PDSS2: variants seen among roughly 807,000 people sequenced by gnomAD.
PDSS2 encodes all trans-polyprenyl-diphosphate synthase PDSS2.
Under a neutral mutation model 44.5 loss-of-function variants are expected in PDSS2, and 31 were observed. That is an observed-to-expected ratio of 0.70 (90% CI 0.52 to 0.94). The LOEUF is 0.94. PDSS2 is among the 40% of genes least tolerant of loss of function. The pLI, the probability that PDSS2 is intolerant of heterozygous loss-of-function variation, is 0.00. For missense variants in PDSS2, 452 were observed against 482.2 expected, an observed-to-expected ratio of 0.94 and a Z score of 0.59; for synonymous variants, 157 against 180.3, an observed-to-expected ratio of 0.87 and a Z score of 1.03.
At chr6:107,261,562 G>C (rs1429065561) in intron 3 of PDSS2, among the ~76,000 whole-genome samples, 1 of 148,224 alleles carries the variant, frequency 6.7e-6, no homozygotes, top group Non-Finnish European at 1.5e-5. Flanking sequence ...CCCAGTCTCA[G>C]GTATTTCTTT....
Position 107,407,157 on chromosome 6 carries a change from G to A in PDSS2, c.296+51833C>T, listed in dbSNP as rs1193564958. 2.6e-5 allele frequency among the ~76,000 whole-genome samples: 4 copies of A among 152,320 alleles called. No individual in the cohort carries two copies. In the East Asian group the frequency reaches 7.7e-4, roughly 29 times the overall value. On this transcript the variant is annotated intron_variant, in intron 1 of 7. Coordinates refer to ENST00000369037, the MANE Select transcript of PDSS2 (RefSeq NM_020381.4). ...TTCTGATATATGCTACAACATGGAT[G>A]AGCCTTGAAAACATTATGGTAAGTG...
chr6:107,445,188 T>TTATATATATATATATATATATATATATA (rs60071847), intron 1 of PDSS2, among the ~76,000 whole-genome samples: 15 of 149,818 alleles, frequency 1.0e-4, no homozygotes, highest in African/African-American at 3.7e-4. Context: ...ATTACATATT[T>TTATATATATATATATATATATATATATA]TATATATATA....
chr6:107,180,157 A>T (rs1395713364), intron 7 of PDSS2, among the ~76,000 whole-genome samples: 2 of 152,192 alleles, frequency 1.3e-5, no homozygotes, highest in Admixed American at 1.3e-4. Context: ...TGGACTAAAC[A>T]GGCTTTTCTA....
chr6:107,290,783 G>C (rs1414659979), intron 2 of PDSS2, among the ~76,000 whole-genome samples: 1 of 152,064 alleles, frequency 6.6e-6, no homozygotes, highest in Non-Finnish European at 1.5e-5. Context: ...TAGCAACCCT[G>C]TCATCCTCAT....
At chr6:107,273,986 A>G (rs1328018212) in intron 3 of PDSS2, 43 bp downstream of exon 3, 2 of 1,521,568 alleles carry the variant, frequency 1.3e-6, no homozygotes, top group South Asian at 1.1e-5. Flanking sequence ...ACTAATTGCT[A>G]CCTGAAGCCA....
At chr6:107,206,269 A>C (rs988033601) in intron 6 of PDSS2, among the ~76,000 whole-genome samples, 3 of 152,082 alleles carry the variant, frequency 2.0e-5, no homozygotes, top group Non-Finnish European at 2.9e-5. Context: ...ACCGGGTTTC[A>C]CCATGTTGGA....
Position 107,459,347 on chromosome 6 carries a change from AG to A in PDSS2, c.-63del. On this transcript the variant is annotated 5_prime_UTR_variant, in exon 1 of 8. Coordinates refer to ENST00000369037, the MANE Select transcript of PDSS2 (RefSeq NM_020381.4). This position sits in a 1 kb window ranked among gnomAD's most constrained non-coding sequence, Gnocchi z 4.3. ...CCAGAAGTGCCGCGGGAAACAAACCAGGGGCAGAGGAGGAACTTACAGTAAC... is the reference window on the plus strand; with the variant it reads ...CCAGAAGTGCCGCGGGAAACAAACCAGGGCAGAGGAGGAACTTACAGTAAC... 7.2e-7 allele frequency: 1 copy of A among 1,388,732 alleles called. No homozygotes were observed. The highest frequency in any genetic ancestry group is 1.0e-6 in the Non-Finnish European group (1 of 981,250). 86.0% of individuals were successfully genotyped at this position (1,388,732 alleles called of 1,614,324 possible).
chr6:107,440,852 C>T (rs1442977090), intron 1 of PDSS2, among the ~76,000 whole-genome samples: 1 of 152,198 alleles, frequency 6.6e-6, no homozygotes. Flanking sequence ...AAGACTATTT[C>T]ATGTCTATCT....
chr6:107,424,123 C>G (rs569148414), intron 1 of PDSS2, among the ~76,000 whole-genome samples: 63 of 148,666 alleles, frequency 4.2e-4, no homozygotes, highest in Non-Finnish European at 8.3e-4. Context: ...CTCACTGCAG[C>G]CTTGACCTCC....
chr6:107,167,889 T>G (rs1165495431), intron 7 of PDSS2, among the ~76,000 whole-genome samples: 1 of 152,180 alleles, frequency 6.6e-6, no homozygotes, highest in Non-Finnish European at 1.5e-5. Context: ...AGGAGTGCTT[T>G]ACTTCCAACT....
chr6:107,351,176 A>G (rs950567972), intron 1 of PDSS2, among the ~76,000 whole-genome samples: 3 of 152,160 alleles, frequency 2.0e-5, no homozygotes, highest in African/African-American at 4.8e-5. Context: ...AAAAGATGAA[A>G]CCTTTGTCTC....
At chr6:107,348,864 T>TA (rs1361591742) in intron 1 of PDSS2, among the ~76,000 whole-genome samples, 5 of 152,328 alleles carry the variant, frequency 3.3e-5, no homozygotes, top group African/African-American at 1.2e-4. Flanking sequence ...TTTTTTAACT[T>TA]ACTTAAACTT....
intron 7 of PDSS2, among the ~76,000 whole-genome samples, chr6:107,168,951 C>A (rs1418355336): frequency 2.0e-5 from 3 of 151,970 alleles, no homozygotes; most frequent in Non-Finnish European, 1.5e-5. Context: ...GACAATTATG[C>A]GTCTTGGAGT....
chr6:107,434,317 A>G (rs1781283120), intron 1 of PDSS2, among the ~76,000 whole-genome samples: 1 of 152,234 alleles, frequency 6.6e-6, no homozygotes, highest in Admixed American at 6.5e-5. Context: ...TGTTTACTGC[A>G]GCACTGTTCA....
At chr6:107,254,966 C>T (rs1361304546) in intron 3 of PDSS2, among the ~76,000 whole-genome samples, 2 of 151,476 alleles carry the variant, frequency 1.3e-5, no homozygotes, top group Non-Finnish European at 2.9e-5. Flanking sequence ...CAGGTTCAAG[C>T]GATTCTCCTG....
intron 1 of PDSS2, among the ~76,000 whole-genome samples, chr6:107,448,921 T>C (rs1186505381): frequency 6.6e-6 from 1 of 152,152 alleles, no homozygotes. Context: ...TTGTGAGAAG[T>C]TACTCACTAT....
intron 6 of PDSS2, among the ~76,000 whole-genome samples, chr6:107,207,657 G>C (rs1773030411): frequency 6.8e-6 from 1 of 146,314 alleles, no homozygotes. Flanking sequence ...TGCTGGCCAG[G>C]ATGGAGTGCA....
chr6:107,183,555 A>C (rs928616840), intron 7 of PDSS2, among the ~76,000 whole-genome samples: 1 of 152,082 alleles, frequency 6.6e-6, no homozygotes, highest in Admixed American at 6.6e-5. Context: ...AAAAATAGCC[A>C]GGCGTGGTGG....
chr6:107,177,295 T>C (rs1242997384), intron 7 of PDSS2, among the ~76,000 whole-genome samples: 2 of 152,058 alleles, frequency 1.3e-5, no homozygotes, highest in Non-Finnish European at 2.9e-5. Context: ...TGTGCCTGGC[T>C]AATTTTTGTA....
Sources: gnomAD v4.1 joint callset for allele counts (sites outside exome capture counted in the v4.1 genomes callset) on GRCh38, gnomAD v4.1.1 for gene constraint, Gnocchi (gnomAD v3.1) non-coding constraint, MANE v1.5 for transcripts, NCBI Gene and HGNC (gene_info 2026-07-23, HGNC 2026-07-21) for gene names.